The following ZNF831 variants were observed in gnomAD, a reference collection of about 807,000 sequenced individuals.
ZNF831 encodes zinc finger protein 831.
Under a neutral mutation model 95.8 loss-of-function variants are expected in ZNF831, and 59 were observed. That is an observed-to-expected ratio of 0.62 (90% CI 0.50 to 0.77). The LOEUF is 0.77. ZNF831 is among the 30% of genes least tolerant of loss of function. The pLI is 0.00. For missense variants in ZNF831, 2,205 were observed against 2,164.0 expected, an observed-to-expected ratio of 1.02 and a Z score of -0.38; for synonymous variants, 961 against 925.5, an observed-to-expected ratio of 1.04 and a Z score of -0.70.
At chr20:59,233,241 G>GT (rs1311938034) in intron 4 of ZNF831, among the ~76,000 whole-genome samples, 1 of 152,162 alleles carries the variant, frequency 6.6e-6, no homozygotes, top group African/African-American at 2.4e-5. Flanking sequence ...CTCAGGAGCT[G>GT]TTGTCTCTTC....
At chr20:59,145,122 T>C (rs1979802620) in intron 1 of ZNF831, among the ~76,000 whole-genome samples, 1 of 152,240 alleles carries the variant, frequency 6.6e-6, no homozygotes, top group African/African-American at 2.4e-5. Flanking sequence ...CTCATGTTCA[T>C]TGATAACCAT....
At chr20:59,219,588 G>A (rs538521831) in intron 4 of ZNF831, among the ~76,000 whole-genome samples, 6 of 152,102 alleles carry the variant, frequency 3.9e-5, no homozygotes, top group Non-Finnish European at 7.4e-5. Flanking sequence ...GCATGCTTCC[G>A]ACGCTCACCC....
At chr20:59,165,989 T>A (rs1601320351) in intron 1 of ZNF831, among the ~76,000 whole-genome samples, 1 of 152,128 alleles carries the variant, frequency 6.6e-6, no homozygotes, top group Non-Finnish European at 1.5e-5. Context: ...TGACCTCAGG[T>A]GATCTATCTG....
chr20:59,187,764 C>T (rs972052070), intron 1 of ZNF831, among the ~76,000 whole-genome samples: 2 of 152,220 alleles, frequency 1.3e-5, no homozygotes, highest in Non-Finnish European at 2.9e-5. Context: ...ATTTTCATCA[C>T]CCCAGAAGGA....
intron 4 of ZNF831, among the ~76,000 whole-genome samples, chr20:59,227,804 T>A (rs1986510852): frequency 6.6e-6 from 1 of 152,148 alleles, no homozygotes; most frequent in African/African-American, 2.4e-5. Context: ...GGCCCATTTT[T>A]TTTCTCTTTT....
chr20:59,133,546 C>T (rs1979410485), intron 1 of ZNF831, among the ~76,000 whole-genome samples: 1 of 152,154 alleles, frequency 6.6e-6, no homozygotes, highest in African/African-American at 2.4e-5. Context: ...AACAAGTGGC[C>T]CCGTGTGTGC....
intron 4 of ZNF831, among the ~76,000 whole-genome samples, chr20:59,222,071 G>T (rs868557720): frequency 6.6e-6 from 1 of 152,134 alleles, no homozygotes; most frequent in Non-Finnish European, 1.5e-5. Context: ...CCTTAACTGC[G>T]CTGTTTTCTT....
At chr20:59,170,026 CGCT>C in intron 1 of ZNF831, among the ~76,000 whole-genome samples, 1 of 151,960 alleles carries the variant, frequency 6.6e-6, no homozygotes, top group South Asian at 2.1e-4. Context: ...TCCTTTCTTC[CGCT>C]TGCTCTGGAT....
At chr20:59,173,682 T>G (rs1057298586) in intron 1 of ZNF831, among the ~76,000 whole-genome samples, 3 of 152,178 alleles carry the variant, frequency 2.0e-5, no homozygotes, top group Non-Finnish European at 4.4e-5. Flanking sequence ...CTCAACACTG[T>G]GCTCACATCC....
intron 2 of ZNF831, among the ~76,000 whole-genome samples, chr20:59,149,949 C>A (rs973705207): frequency 6.6e-6 from 1 of 152,240 alleles, no homozygotes. Flanking sequence ...CCAACGCCAG[C>A]GCCAGCCCCC....
In ZNF831 at chr20:59,193,296, G is replaced by T. The variant is rs2146580669; in HGVS notation, c.2277G>T (p.Trp759Cys). The T allele has an allele frequency of 6.2e-7, 1 of 1,611,504 alleles. No homozygotes were observed. The highest frequency in any genetic ancestry group is 8.5e-7 in the Non-Finnish European group (1 of 1,178,898). Residue 759 changes from tryptophan to cysteine, a missense_variant, in exon 2 of 6, where the codon TGG (tryptophan) becomes TGT (cysteine). Trp to Cys is a radical substitution (Grantham distance 215). Coordinates refer to ENST00000371030, the MANE Select transcript of ZNF831 (RefSeq NM_178457.3). ...VSPNGRLELG[W>C]QMPPAPGPLK... is the part of the protein sequence containing the mutation. ...CAAATGGGAGGCTGGAACTGGGGTG[G>T]CAGATGCCCCCAGCACCTGGCCCCC...
Position 59,191,057 on chromosome 20 carries a change from C to T in ZNF831, c.38C>T (p.Ala13Val), listed in dbSNP as rs750683419. 3.3e-6 allele frequency: 5 copies of T among 1,498,752 alleles called. No homozygotes were observed. Among genetic ancestry groups the T allele is most frequent in the Non-Finnish European group, 2.6e-6 (3 of 1,132,142 alleles). 92.8% of individuals were successfully genotyped at this position (1,498,752 alleles called of 1,614,324 possible). ...GAACCCACCTGCCCTGCCCCTCCTGCGAGGGACCAGCCAGCTCCCACTCCT... is the reference window on the plus strand; with the variant it reads ...GAACCCACCTGCCCTGCCCCTCCTGTGAGGGACCAGCCAGCTCCCACTCCT... ...VPEPTCPAPP[A>V]RDQPAPTPGP... is the part of the protein sequence containing the mutation. Residue 13 changes from alanine (A) to valine (V), a missense_variant, in exon 2 of 6, where the codon GCG (alanine) becomes GTG (valine). Coordinates refer to ENST00000371030, the MANE Select transcript of ZNF831 (RefSeq NM_178457.3).
At chr20:59,132,749 A>G (rs1189505026) in intron 1 of ZNF831, among the ~76,000 whole-genome samples, 2 of 152,172 alleles carry the variant, frequency 1.3e-5, no homozygotes, top group Non-Finnish European at 2.9e-5. Flanking sequence ...CAAACTTTCA[A>G]CTTCATCTCA....
Position 59,155,208 on chromosome 20 carries a change from A to G in ZNF831, c.-1280-4444A>G, listed in dbSNP as rs1393125486. Reference sequence around the variant, plus strand: ...ATTGTTTCCCAGTTATCTTGATTATACATCATACAAAAGACTATAGAACAG... The same window carrying G: ...ATTGTTTCCCAGTTATCTTGATTATGCATCATACAAAAGACTATAGAACAG... On this transcript the variant is annotated intron_variant, in intron 2 of 7. Transcript: ENST00000637017. Among the ~76,000 whole-genome samples the G allele has an allele frequency of 5.3e-5, 8 of 152,178 alleles. No homozygotes were observed. In the South Asian group the frequency reaches 1.2e-3, roughly 24 times the overall value.
In ZNF831 at chr20:59,208,899, A is replaced by T. The variant is rs1985095026; in HGVS notation, c.4027+1843A>T. On this transcript the variant is annotated intron_variant, in intron 4 of 5. Coordinates refer to ENST00000371030, the MANE Select transcript of ZNF831 (RefSeq NM_178457.3). The surrounding 1 kb of genome is among the most constrained non-coding windows in gnomAD (Gnocchi z 4.2). ...TGCCCCCATGGAGGAGCTTACCACC[A>T]GCTCTCTTCCCAGCACCTTAAGGAC... Among the ~76,000 whole-genome samples, 1 of 152,092 alleles carries T rather than the reference A, an allele frequency of 6.6e-6. No homozygotes were observed. Among genetic ancestry groups the T allele is most frequent in the Non-Finnish European group, 1.5e-5 (1 of 67,996 alleles).
rs960226934 is a variant in ZNF831 at position 59,257,011 on chromosome 20, C to G, written c.*2268C>G. On this transcript the variant is annotated 3_prime_UTR_variant, in exon 6 of 6. Coordinates refer to ENST00000371030, the MANE Select transcript of ZNF831 (RefSeq NM_178457.3). ...GGGAAAAAAGCTGTCTTCCAGACCC[C>G]TCCTTTCTGGGTGGCTACTGTGGAA... 1 of 152,248 alleles carries G rather than the reference C, an allele frequency of 6.6e-6. No homozygotes were observed. Among genetic ancestry groups the G allele is most frequent in the African/African-American group, 2.4e-5 (1 of 41,428 alleles). The allele number at this position is 152,248 out of a possible 1,614,324, so 9.4% of individuals were successfully genotyped here.
chr20:59,172,469 C>T (rs1007359074), intron 1 of ZNF831, among the ~76,000 whole-genome samples: 7 of 152,110 alleles, frequency 4.6e-5, no homozygotes, highest in Admixed American at 1.3e-4. Context: ...TGCGGATGCT[C>T]CCCTCATTAA....
intron 1 of ZNF831, among the ~76,000 whole-genome samples, chr20:59,130,709 C>T (rs1005177712): frequency 2.0e-5 from 3 of 152,094 alleles, no homozygotes; most frequent in South Asian, 4.1e-4. Context: ...GAAAAATGCC[C>T]CAAACTCACC....
chr20:59,140,202 A>G (rs1979633618), intron 1 of ZNF831, among the ~76,000 whole-genome samples: 1 of 152,224 alleles, frequency 6.6e-6, no homozygotes, highest in Non-Finnish European at 1.5e-5. Context: ...TCACAAAGAC[A>G]TCTGCTGTGT....
Sources: allele counts gnomAD v4.1 joint callset (sites outside exome capture counted in the v4.1 genomes callset), GRCh38; gene constraint gnomAD v4.1.1; non-coding constraint Gnocchi (gnomAD v3.1); transcripts MANE v1.5; gene names NCBI Gene and HGNC (gene_info 2026-07-23, HGNC 2026-07-21).